KANK1: variants seen among roughly 807,000 people sequenced by gnomAD.
KANK1 encodes the protein KN motif and ankyrin repeat domains 1.
KANK1 carries 109 observed loss-of-function variants against 106.2 expected under a neutral mutation model. The observed-to-expected ratio is 1.03, with a 90% CI of 0.88 to 1.20. The LOEUF (loss-of-function observed/expected upper bound fraction) is 1.20, where lower values mean the gene tolerates loss of function less well. Ranked by LOEUF, KANK1 falls within the 50% of genes most tolerant of loss-of-function variation. The probability of loss-of-function intolerance (pLI) is 0.00; values close to 1 mark genes in which losing one functional copy is unlikely to be tolerated. For missense variants in KANK1, 2,399 were observed against 1,710.7 expected, an observed-to-expected ratio of 1.40 and a Z score of -7.10; for synonymous variants, 873 against 652.2, an observed-to-expected ratio of 1.34 and a Z score of -5.16.
chr9:527,112 C>G (rs2059826026), intron 1 of KANK1, among the ~76,000 whole-genome samples: 1 of 151,724 alleles, frequency 6.6e-6, no homozygotes, highest in African/African-American at 2.4e-5. Context: ...CAAACTGAAG[C>G]CTAACCTTCC....
chr9:726,929 C>T (rs1439213351), intron 3 of KANK1, among the ~76,000 whole-genome samples: 2 of 152,208 alleles, frequency 1.3e-5, no homozygotes, highest in African/African-American at 4.8e-5. Flanking sequence ...CACTGCACTC[C>T]AGCCTGGGCA....
intron 2 of KANK1, chr9:684,294 G>A (rs909368534): frequency 2.0e-6 from 2 of 985,326 alleles, no homozygotes; most frequent in African/African-American, 3.5e-5. Context: ...GCCTATTTGA[G>A]TGTAGGAAGG....
At chr9:513,108 C>T (rs1408243594) in intron 1 of KANK1, among the ~76,000 whole-genome samples, 1 of 152,172 alleles carries the variant, frequency 6.6e-6, no homozygotes, top group Non-Finnish European at 1.5e-5. Context: ...ATGGGAATTG[C>T]CTATGAGTGT....
intron 1 of KANK1, among the ~76,000 whole-genome samples, chr9:579,204 C>A (rs1821382804): frequency 6.6e-6 from 1 of 151,958 alleles, no homozygotes; most frequent in South Asian, 2.1e-4. Flanking sequence ...CCCCGACCCA[C>A]CCACCCTGGG....
intron 1 of KANK1, among the ~76,000 whole-genome samples, chr9:580,733 C>T (rs1040538741): frequency 6.6e-6 from 1 of 152,270 alleles, no homozygotes; most frequent in Admixed American, 6.5e-5. Flanking sequence ...ACTGGGGCCG[C>T]AGGCGGAGCT....
Position 663,784 on chromosome 9 carries a change from T to C in KANK1, c.-83-13106T>C, listed in dbSNP as rs147538538. Among the ~76,000 whole-genome samples, 149 of 152,280 alleles carry C rather than the reference T, an allele frequency of 9.8e-4. 1 individual carries two copies. The East Asian group carries it at 0.019, about 20-fold the overall frequency. On this transcript the variant is annotated intron_variant, in intron 1 of 11. Coordinates refer to ENST00000382297, the MANE Select transcript of KANK1 (RefSeq NM_015158.5). ...AAAGCATTTGCAGGCTCTGAGATGG[T>C]TTTAACCTGTTCCTTGGCAGTGCAG...
At chr9:606,645 A>G (rs918203178) in intron 1 of KANK1, among the ~76,000 whole-genome samples, 3 of 127,384 alleles carry the variant, frequency 2.4e-5, no homozygotes, top group African/African-American at 8.1e-5. Context: ...TATATTACAT[A>G]TATATATATG....
At chr9:586,925 G>A (rs997784133) in intron 1 of KANK1, among the ~76,000 whole-genome samples, 4 of 152,208 alleles carry the variant, frequency 2.6e-5, no homozygotes, top group African/African-American at 9.6e-5. Flanking sequence ...GCAGTCTCTA[G>A]TATTGATTCC....
upstream of KANK1, among the ~76,000 whole-genome samples, chr9:504,516 C>CCGCGCCGTTCTTCTCA (rs1554722999): frequency 6.5e-3 from 984 of 151,706 alleles, 10 homozygotes; most frequent in African/African-American, 0.022. Flanking sequence ...CTTCGCCGGC[C>CCGCGCCGTTCTTCTCA]CGCGCCGTTC....
At chr9:504,135 C>T (rs2132536849), upstream of KANK1, among the ~76,000 whole-genome samples, 1 of 152,218 alleles carries the variant, frequency 6.6e-6, no homozygotes, top group Middle Eastern at 3.4e-3. Context: ...TACAGAGGCG[C>T]TGGGGGAGGA....
chr9:660,631 G>A (rs561537035), intron 1 of KANK1, among the ~76,000 whole-genome samples: 8 of 152,240 alleles, frequency 5.3e-5, no homozygotes, highest in Admixed American at 6.5e-5. Flanking sequence ...AGACAACTAC[G>A]TCTGGCCAGA....
intron 3 of KANK1, among the ~76,000 whole-genome samples, chr9:484,981 T>G (rs1211781486): frequency 6.6e-6 from 1 of 152,180 alleles, no homozygotes; most frequent in East Asian, 1.9e-4. Context: ...TGTCAATGCT[T>G]TGGCCTATCC....
intron 1 of KANK1, among the ~76,000 whole-genome samples, chr9:513,326 A>C (rs1006041294): frequency 1.7e-4 from 26 of 152,234 alleles, no homozygotes; most frequent in South Asian, 1.4e-3. Context: ...ATGTGCTGTC[A>C]GAAATAAGTG....
At chr9:723,843 A>T in intron 3 of KANK1, among the ~76,000 whole-genome samples, 1 of 151,846 alleles carries the variant, frequency 6.6e-6, no homozygotes. Flanking sequence ...CTGTAATTCC[A>T]GTACTTTCAG....
intron 1 of KANK1, among the ~76,000 whole-genome samples, chr9:642,437 C>A (rs756209002): frequency 4.6e-5 from 7 of 150,972 alleles, no homozygotes; most frequent in Non-Finnish European, 1.0e-4. Context: ...AAACTAAAAA[C>A]TACAAGAAGA....
At chr9:557,178 G>C (rs542700906) in intron 1 of KANK1, among the ~76,000 whole-genome samples, 1 of 127,196 alleles carries the variant, frequency 7.9e-6, no homozygotes, top group African/African-American at 2.8e-5. Flanking sequence ...GCAAGACCAT[G>C]TCTCAAAAGG....
In KANK1 at chr9:607,473, A is replaced by G. The variant is rs146965753; in HGVS notation, c.-83-69417A>G. Among the ~76,000 whole-genome samples, 136 of 141,650 alleles carry G rather than the reference A, an allele frequency of 9.6e-4. 2 individuals are homozygous for G. The East Asian group carries it at 0.024, about 25-fold the overall frequency. The allele number at this position is 141,650 out of a possible 152,430, so 92.9% of individuals were successfully genotyped here. ...GCACTCCAGCCTGGGCGTTACAGCA[A>G]GACTCCATCTCAAAAAAAAAAAAAA... On this transcript the variant is annotated intron_variant, in intron 1 of 11. Coordinates refer to ENST00000382297, the MANE Select transcript of KANK1 (RefSeq NM_015158.5).
At chr9:599,599 A>G (rs1171718072) in intron 1 of KANK1, among the ~76,000 whole-genome samples, 1 of 151,858 alleles carries the variant, frequency 6.6e-6, no homozygotes, top group Admixed American at 6.5e-5. Context: ...AGAGTAACCC[A>G]TCATACTGAT....
intron 1 of KANK1, among the ~76,000 whole-genome samples, chr9:586,485 G>T (rs893557698): frequency 2.0e-5 from 3 of 152,134 alleles, no homozygotes; most frequent in African/African-American, 7.2e-5. Context: ...CTGGACATTC[G>T]GGGAAAGTGG....
Sources: gnomAD v4.1 joint callset for allele counts (sites outside exome capture counted in the v4.1 genomes callset) on GRCh38, gnomAD v4.1.1 for gene constraint, MANE v1.5 for transcripts, NCBI Gene and HGNC (gene_info 2026-07-23, HGNC 2026-07-21) for gene names.